SGCD: variants seen among roughly 807,000 people sequenced by gnomAD.
SGCD encodes the protein sarcoglycan delta, also known as delta-sarcoglycan.
In SGCD, 18 loss-of-function variants were observed where a neutral mutation model predicts 36.6. The observed-to-expected ratio is 0.49, with a 90% CI of 0.34 to 0.73. SGCD has a LOEUF of 0.73. Ranked by LOEUF, SGCD falls within the 30% of genes least tolerant of loss-of-function variation. The probability of loss-of-function intolerance (pLI) is 0.01; values close to 1 mark genes in which losing one functional copy is unlikely to be tolerated. For synonymous variants in SGCD, 133 were observed against 130.6 expected, an observed-to-expected ratio of 1.02 and a Z score of -0.12; for missense variants, 387 against 346.7, an observed-to-expected ratio of 1.12 and a Z score of -0.92.
At chr5:155,822,032 T>C in the SGCD span, among the ~76,000 whole-genome samples, 72,475 of 151,998 alleles carry the variant, frequency 0.48, 17,659 homozygotes, top group Admixed American at 0.64. Context: ...CATACACTAA[T>C]GAGAATCTTT....
chr5:155,950,911 T>G (rs1757535869), intron 1 of SGCD, among the ~76,000 whole-genome samples: 3 of 152,164 alleles, frequency 2.0e-5, no homozygotes, highest in Admixed American at 1.3e-4. Context: ...TTACCTGGTT[T>G]TAAAAGCATG....
At chr5:155,787,195 A>G in the SGCD span, among the ~76,000 whole-genome samples, 4 of 152,122 alleles carry the variant, frequency 2.6e-5, no homozygotes, top group African/African-American at 9.7e-5. Context: ...CATTTTACTC[A>G]CCATGATTTA....
intron 7 of SGCD, among the ~76,000 whole-genome samples, chr5:156,683,474 G>A (rs945223212): frequency 3.3e-5 from 5 of 152,174 alleles, no homozygotes; most frequent in Non-Finnish European, 7.3e-5. Flanking sequence ...AGCCGACATG[G>A]TTAATCCTAA....
intron 3 of SGCD, among the ~76,000 whole-genome samples, chr5:156,253,637 GA>G (rs1236409547): frequency 9.9e-5 from 15 of 151,968 alleles, no homozygotes; most frequent in African/African-American, 3.4e-4. Flanking sequence ...TCATAACAAC[GA>G]GTATATTAAT....
At chr5:155,804,475 T>C in the SGCD span, among the ~76,000 whole-genome samples, 13 of 152,240 alleles carry the variant, frequency 8.5e-5, no homozygotes, top group African/African-American at 3.1e-4. Context: ...TCTTCACCTT[T>C]ATATCTGTGT....
chr5:156,609,369 G>C (rs564497458), intron 6 of SGCD, among the ~76,000 whole-genome samples: 1 of 152,250 alleles, frequency 6.6e-6, no homozygotes, highest in Admixed American at 6.5e-5. Flanking sequence ...GTTGAATATT[G>C]GCCCCCACTC....
chr5:156,545,044 G>C (rs1310428474), intron 4 of SGCD, among the ~76,000 whole-genome samples: 1 of 152,166 alleles, frequency 6.6e-6, no homozygotes, highest in East Asian at 1.9e-4. Flanking sequence ...TGACTGTTCA[G>C]TGAAGAGGTT....
At chr5:156,368,078 T>G (rs1770197195) in intron 3 of SGCD, among the ~76,000 whole-genome samples, 1 of 152,074 alleles carries the variant, frequency 6.6e-6, no homozygotes. Context: ...ACAGTCTGTA[T>G]TCACGCTTGC....
intron 1 of SGCD, among the ~76,000 whole-genome samples, chr5:155,939,033 G>C (rs990522926): frequency 8.5e-5 from 13 of 152,292 alleles, no homozygotes; most frequent in African/African-American, 3.1e-4. Flanking sequence ...CAATAGCAGA[G>C]AGTCAATTGG....
chr5:156,034,957 C>A (rs991544083), intron 1 of SGCD, among the ~76,000 whole-genome samples: 6 of 152,124 alleles, frequency 3.9e-5, no homozygotes, highest in Non-Finnish European at 8.8e-5. Context: ...TTGTTATTTT[C>A]TTTTTGTGAA....
intron 6 of SGCD, among the ~76,000 whole-genome samples, chr5:156,633,952 G>C (rs948076220): frequency 1.3e-5 from 2 of 152,120 alleles, no homozygotes; most frequent in African/African-American, 4.8e-5. Flanking sequence ...CAAGGGTACT[G>C]TCTTCTAGGG....
chr5:155,947,115 T>G (rs1757452796), intron 1 of SGCD, among the ~76,000 whole-genome samples: 1 of 152,192 alleles, frequency 6.6e-6, no homozygotes, highest in Non-Finnish European at 1.5e-5. Flanking sequence ...TGGATGGACA[T>G]TCAAGGAAAG....
the SGCD span, among the ~76,000 whole-genome samples, chr5:155,777,189 G>A: frequency 9.2e-3 from 1,393 of 152,064 alleles, 20 homozygotes; most frequent in African/African-American, 0.032. Flanking sequence ...GTCTTTCATG[G>A]CATACATTTA....
intron 2 of SGCD, among the ~76,000 whole-genome samples, chr5:156,331,742 T>C (rs1768075195): frequency 6.6e-6 from 1 of 152,158 alleles, no homozygotes; most frequent in African/African-American, 2.4e-5. Context: ...AGTAAATAAA[T>C]ACCAGGGTAA....
At chr5:156,247,218 G>A (rs1765460330) in intron 3 of SGCD, among the ~76,000 whole-genome samples, 3 of 152,140 alleles carry the variant, frequency 2.0e-5, no homozygotes, top group Admixed American at 2.0e-4. Flanking sequence ...TCTGGATATA[G>A]GAAGGATTCT....
At chr5:155,789,685 A>G in the SGCD span, among the ~76,000 whole-genome samples, 2 of 152,136 alleles carry the variant, frequency 1.3e-5, no homozygotes, top group Admixed American at 6.6e-5. Context: ...TTGCATTTAC[A>G]TAGTGATTTC....
intron 7 of SGCD, among the ~76,000 whole-genome samples, chr5:156,714,098 C>T (rs1755116806): frequency 6.6e-6 from 1 of 152,204 alleles, no homozygotes; most frequent in African/African-American, 2.4e-5. Context: ...TTGCCTGTTT[C>T]TAAACTTTAT....
chr5:155,915,503 G>A (rs1454537509), intron 1 of SGCD, among the ~76,000 whole-genome samples: 31 of 152,160 alleles, frequency 2.0e-4, no homozygotes, highest in Non-Finnish European at 1.3e-4. Context: ...GCTACTGAAT[G>A]CAGGATGAAA....
intron 3 of SGCD, among the ~76,000 whole-genome samples, chr5:156,485,158 A>C (rs1044934271): frequency 6.6e-6 from 1 of 152,172 alleles, no homozygotes; most frequent in Non-Finnish European, 1.5e-5. Flanking sequence ...CCTTTTAGAC[A>C]TGGACTGAGG....
Sources: gnomAD v4.1 joint callset for allele counts (sites outside exome capture counted in the v4.1 genomes callset) on GRCh38, gnomAD v4.1.1 for gene constraint, MANE v1.5 for transcripts, NCBI Gene and HGNC (gene_info 2026-07-23, HGNC 2026-07-21) for gene names.